MAP3K21: variants seen among roughly 807,000 people sequenced by gnomAD.
MAP3K21 encodes mitogen-activated protein kinase kinase kinase MLK4.
A neutral mutation model predicts 86.1 loss-of-function variants in MAP3K21; 63 were observed. The observed-to-expected ratio is 0.73, with a 90% CI of 0.60 to 0.90. The LOEUF (loss-of-function observed/expected upper bound fraction) is 0.90. MAP3K21 is among the 40% of genes least tolerant of loss of function. MAP3K21 has a pLI of 0.00. For missense variants in MAP3K21, 1,220 were observed against 1,367.7 expected, an observed-to-expected ratio of 0.89 and a Z score of 1.70; for synonymous variants, 558 against 564.8, an observed-to-expected ratio of 0.99 and a Z score of 0.17.
At position 233,375,951 on chromosome 1, in the gene MAP3K21, AAC is replaced by A; in HGVS notation, c.1715_1716del (p.Thr572SerfsTer8). The A allele has an allele frequency of 6.2e-7, 1 of 1,612,426 alleles. No individual in the cohort carries two copies. Among genetic ancestry groups the A allele is most frequent in the Non-Finnish European group, 8.5e-7 (1 of 1,179,342 alleles). On this transcript the variant is annotated frameshift_variant, in exon 7 of 10. Coordinates refer to ENST00000366624, the MANE Select transcript of MAP3K21 (RefSeq NM_032435.3). LOFTEE classifies it high-confidence loss of function. ...TGAAAGCAATAAAACTTGGGGAAGG[AAC>A]ACAGTCTTTCGACAAGAAGAATTTG... ...SDESNKTWGRNTVFRQEEFED... is the reference protein window; with the variant it reads ...SDESNKTWGRXTVFRQEEFED...
chr1:233,367,256 T>A (rs532491429), intron 5 of MAP3K21, among the ~76,000 whole-genome samples: 1 of 152,304 alleles, frequency 6.6e-6, no homozygotes, highest in African/African-American at 2.4e-5. Flanking sequence ...AGAGAGCATA[T>A]AACCTCACCT....
intron 5 of MAP3K21, among the ~76,000 whole-genome samples, chr1:233,363,415 C>T (rs918561067): frequency 6.6e-6 from 1 of 152,148 alleles, no homozygotes; most frequent in Non-Finnish European, 1.5e-5. Flanking sequence ...GCTAGTATGA[C>T]ATCTGGGTGC....
At chr1:233,369,634 A>C (rs1156551600) in intron 5 of MAP3K21, among the ~76,000 whole-genome samples, 1 of 152,244 alleles carries the variant, frequency 6.6e-6, no homozygotes, top group Non-Finnish European at 1.5e-5. Context: ...CTTGAAAAAA[A>C]TCAAAGAGGA....
Position 233,382,324 on chromosome 1 carries a change from AGCCACTGGAGCCTCT to A in MAP3K21, c.2727_2741del (p.Thr910_Ala914del). On this transcript the variant is annotated inframe_deletion, in exon 10 of 10. Transcript: ENST00000366624. ...AACCAGCTGGTGCAACTATTATCTC[AGCCACTGGAGCCTCT>A]GCACTGCCACTCTGCCCCTCACCTG... 2 of 1,613,114 alleles carry A rather than the reference AGCCACTGGAGCCTCT, an allele frequency of 1.2e-6. No homozygotes were observed. The highest frequency in any genetic ancestry group is 1.7e-6 in the Non-Finnish European group (2 of 1,179,308).
intron 5 of MAP3K21, among the ~76,000 whole-genome samples, chr1:233,370,559 T>G (rs1291872696): frequency 2.6e-5 from 4 of 152,238 alleles, no homozygotes; most frequent in Admixed American, 6.5e-5. Context: ...TTCCAAATCC[T>G]CTTCATCTCA....
At chr1:233,375,775 G>A (rs1012540749) in intron 6 of MAP3K21, 141 bp from the exon 7 acceptor site, 28 of 618,660 alleles carry the variant, frequency 4.5e-5, no homozygotes, top group Non-Finnish European at 7.1e-5. Flanking sequence ...GAGATTGGGT[G>A]AAATAAATAA....
chr1:233,361,628 C>A (rs1294260), intron 4 of MAP3K21, among the ~76,000 whole-genome samples: 12,721 of 152,194 alleles, frequency 0.084, 616 homozygotes, highest in Middle Eastern at 0.15. Flanking sequence ...TGAGCTTGAA[C>A]TTTTGGCTTT....
intron 2 of MAP3K21, among the ~76,000 whole-genome samples, chr1:233,351,807 G>C (rs1663257967): frequency 6.6e-6 from 1 of 152,086 alleles, no homozygotes; most frequent in African/African-American, 2.4e-5. Context: ...AAAAGATTAG[G>C]AAAGTGAATA....
intron 5 of MAP3K21, among the ~76,000 whole-genome samples, chr1:233,370,047 G>A (rs1236018292): frequency 6.6e-6 from 1 of 152,168 alleles, no homozygotes; most frequent in Non-Finnish European, 1.5e-5. Flanking sequence ...AATGCATCTG[G>A]CTGCTGTGAA....
rs761130127 is a variant in MAP3K21, at chr1:233,328,150, G to A, written c.122G>A (p.Gly41Glu). The A allele has an allele frequency of 6.9e-6, 10 of 1,444,642 alleles. No individual in the cohort carries two copies. The highest frequency in any genetic ancestry group is 6.8e-5 in the South Asian group (5 of 73,106). The allele number at this position is 1,444,642 out of a possible 1,614,324, so 89.5% of individuals were successfully genotyped here. Residue 41 changes from glycine (G) to glutamate (E), a missense_variant, in exon 1 of 10, where the codon GGG becomes GAG. This residue lies in a region of MAP3K21 where 369 missense variants were observed against 385.3 expected (regional missense o/e 0.96). Coordinates refer to ENST00000366624, the MANE Select transcript of MAP3K21 (RefSeq NM_032435.3). The surrounding 1 kb of genome is among the most constrained non-coding windows in gnomAD (Gnocchi z 8.7). ...SSGGSASAGA[G>E]LWAALYDYEA... ...GGCGGCTCGGCCTCGGCGGGCGCGG[G>A]GCTGTGGGCCGCGCTCTATGACTAC...
chr1:233,359,666 G>C (rs1663429952), intron 4 of MAP3K21, among the ~76,000 whole-genome samples: 1 of 152,110 alleles, frequency 6.6e-6, no homozygotes, highest in South Asian at 2.1e-4. Context: ...ACCTGTCTGT[G>C]ACCCCCCACA....
intron 5 of MAP3K21, among the ~76,000 whole-genome samples, chr1:233,369,117 T>G (rs1663635708): frequency 6.6e-6 from 1 of 150,942 alleles, no homozygotes. Flanking sequence ...TGACAGTGAC[T>G]AGTGCAGAGA....
chr1:233,328,084 G>A lies in MAP3K21; in HGVS notation c.56G>A (p.Gly19Glu), dbSNP rs1662727936. 1.5e-6 allele frequency: 2 copies of A among 1,360,994 alleles called. No individual in the cohort carries two copies. Among genetic ancestry groups the A allele is most frequent in the Non-Finnish European group, 1.9e-6 (2 of 1,063,890 alleles). The allele number at this position is 1,360,994 out of a possible 1,614,324, so 84.3% of individuals were successfully genotyped here. A position where few individuals can be genotyped will look rare whatever the true frequency, so the allele number is the denominator to read the frequency against. The change falls in exon 1 of 10, where the codon GGA becomes GAA. Residue 19 changes from glycine to glutamate, a missense_variant. Gly to Glu is a moderately conservative substitution (Grantham distance 98, BLOSUM62 -2). This residue lies in a region of MAP3K21 where 369 missense variants were observed against 385.3 expected (regional missense o/e 0.96). Coordinates refer to ENST00000366624, the MANE Select transcript of MAP3K21 (RefSeq NM_032435.3). The surrounding 1 kb of genome is among the most constrained non-coding windows in gnomAD (Gnocchi z 8.7). ...ATDTPVSSAG[G>E]APGGSASSSS... ...GACACCCCGGTGTCCTCGGCCGGGG[G>A]AGCCCCCGGCGGCTCAGCGTCCTCG...
chr1:233,350,549 C>G, intron 2 of MAP3K21, among the ~76,000 whole-genome samples: 1 of 152,110 alleles, frequency 6.6e-6, no homozygotes, highest in East Asian at 1.9e-4. Flanking sequence ...CTATGCAGTG[C>G]TAGGGATTGG....
intron 6 of MAP3K21, chr1:233,373,273 A>G (rs1663723498): frequency 6.6e-6 from 1 of 152,224 alleles, no homozygotes; most frequent in Admixed American, 6.5e-5. Flanking sequence ...CAGCTCCACG[A>G]AGGGATGAGC....
intron 7 of MAP3K21, 127 bp from the exon 8 acceptor site, chr1:233,376,303 C>T: frequency 1.3e-6 from 1 of 763,812 alleles, no homozygotes; most frequent in Non-Finnish European, 2.1e-6. Flanking sequence ...CTTTGTCAGC[C>T]CTTCAAAACT....
chr1:233,366,468 GTA>G (rs1291733432), intron 5 of MAP3K21, among the ~76,000 whole-genome samples: 1 of 152,152 alleles, frequency 6.6e-6, no homozygotes, highest in Admixed American at 6.5e-5. Flanking sequence ...CCATAAATAT[GTA>G]TAATTTTTAT....
Position 233,375,920 on chromosome 1 carries a change from T to C in MAP3K21, c.1680T>C (p.Thr560=). The change falls in exon 7 of 10, where the codon ACT becomes ACC. Residue 560 remains threonine, a synonymous_variant. Transcript: ENST00000366624. The part of the protein sequence containing the change: ...MMPRLRAIQL[T]SDESNKTWGR... ...GGTTAATAATGTTCTTTTTAGTGACTTCAGATGAAAGCAATAAAACTTGGG... is the reference window on the plus strand; with the variant it reads ...GGTTAATAATGTTCTTTTTAGTGACCTCAGATGAAAGCAATAAAACTTGGG... 6.2e-7 allele frequency: 1 copy of C among 1,610,828 alleles called. No homozygotes were observed. The highest frequency in any genetic ancestry group is 1.7e-5 in the Admixed American group (1 of 59,722).
intron 5 of MAP3K21, among the ~76,000 whole-genome samples, chr1:233,369,220 CAAAAA>C (rs35461412): frequency 8.0e-4 from 85 of 105,594 alleles, no homozygotes; most frequent in East Asian, 1.2e-3. Flanking sequence ...TAGTAAAATA[CAAAAA>C]AAAAAAAAAA....
Sources: gnomAD v4.1 joint callset for allele counts (sites outside exome capture counted in the v4.1 genomes callset) on GRCh38, gnomAD v4.1.1 for gene constraint, gnomAD v4.1.1 regional missense constraint, Gnocchi (gnomAD v3.1) non-coding constraint, MANE v1.5 for transcripts, NCBI Gene and HGNC (gene_info 2026-07-23, HGNC 2026-07-21) for gene names.